Variants in TRPM3 observed in about 807,000 individuals in gnomAD.
TRPM3 encodes transient receptor potential cation channel subfamily M member 3.
A neutral mutation model predicts 181.2 loss-of-function variants in TRPM3; 77 were observed. The ratio of observed to expected loss-of-function variants is 0.42; its 90% CI spans 0.35 to 0.51. The LOEUF is 0.51. Ranked by LOEUF, TRPM3 falls within the 20% of genes least tolerant of loss-of-function variation. TRPM3 has a pLI of 0.01. For synonymous variants in TRPM3, 745 were observed against 796.4 expected, an observed-to-expected ratio of 0.94 and a Z score of 1.09; for missense variants, 1,759 against 2,196.7, an observed-to-expected ratio of 0.80 and a Z score of 3.98.
rs565094328 is a variant in TRPM3 at position 71,316,263 on chromosome 9, C to G, written c.183+130390G>C. The stretch of plus-strand genomic sequence containing the variant: ...TTTTGCTGGTTCTTCTCTTGAAGAC[C>G]ATACCAACAGACACGCTCTAAAACA... On this transcript the variant is annotated intron_variant, in intron 1 of 24. Coordinates refer to the TRPM3 transcript ENST00000357533. Among the ~76,000 whole-genome samples the G allele has an allele frequency of 9.9e-5, 15 of 152,218 alleles. 1 individual carries two copies. In the East Asian group the frequency reaches 2.5e-3, roughly 26 times the overall value.
intron 1 of TRPM3, among the ~76,000 whole-genome samples, chr9:71,070,401 A>G (rs693757): frequency 0.24 from 35,857 of 152,160 alleles, 4,991 homozygotes; most frequent in East Asian, 0.41. Flanking sequence ...AGAGAAACAT[A>G]TCTTTACTTT....
At chr9:70,898,122 T>TA (rs2096309484) in intron 1 of TRPM3, among the ~76,000 whole-genome samples, 1 of 151,668 alleles carries the variant, frequency 6.6e-6, no homozygotes, top group South Asian at 2.1e-4. Flanking sequence ...ATAAATTGTT[T>TA]TTTTTTTTTG....
At chr9:71,179,159 C>G (rs1587807700) in intron 1 of TRPM3, among the ~76,000 whole-genome samples, 1 of 152,208 alleles carries the variant, frequency 6.6e-6, no homozygotes, top group East Asian at 1.9e-4. Flanking sequence ...GAGAAAGAAG[C>G]AACACAACTG....
chr9:71,245,140 C>A (rs944420379), intron 1 of TRPM3, among the ~76,000 whole-genome samples: 1 of 151,970 alleles, frequency 6.6e-6, no homozygotes, highest in Non-Finnish European at 1.5e-5. Context: ...TGTGTCAGAT[C>A]AAGGAGGAGT....
chr9:70,922,437 A>C (rs1210450593), intron 1 of TRPM3, among the ~76,000 whole-genome samples: 1 of 152,162 alleles, frequency 6.6e-6, no homozygotes, highest in Non-Finnish European at 1.5e-5. Flanking sequence ...ACATTATTGA[A>C]TTGCACACTC....
At chr9:71,324,502 T>C (rs1178216767) in intron 1 of TRPM3, among the ~76,000 whole-genome samples, 5 of 151,860 alleles carry the variant, frequency 3.3e-5, no homozygotes, top group Non-Finnish European at 2.9e-5. Context: ...AAGGGAACTC[T>C]TATACACTGT....
intron 1 of TRPM3, among the ~76,000 whole-genome samples, chr9:71,352,085 C>A (rs565597761): frequency 6.6e-6 from 1 of 152,150 alleles, no homozygotes; most frequent in South Asian, 2.1e-4. Context: ...CCGTGTTAGC[C>A]AGGATGGTCT....
chr9:71,400,022 A>G (rs891263375), intron 1 of TRPM3, among the ~76,000 whole-genome samples: 4 of 152,206 alleles, frequency 2.6e-5, no homozygotes, highest in African/African-American at 9.7e-5. Flanking sequence ...CAGGTGAGAA[A>G]TAAGGGAGTT....
At chr9:71,245,067 T>C (rs151222555) in intron 1 of TRPM3, among the ~76,000 whole-genome samples, 163 of 152,172 alleles carry the variant, frequency 1.1e-3, no homozygotes, top group South Asian at 9.1e-3. Context: ...TGGCACAGCA[T>C]TGGCAAGTCC....
chr9:71,182,869 C>T (rs1014095998), intron 1 of TRPM3, among the ~76,000 whole-genome samples: 4 of 151,962 alleles, frequency 2.6e-5, no homozygotes, highest in Non-Finnish European at 5.9e-5. Flanking sequence ...ACCATATTGG[C>T]CAGGATGGTC....
intron 1 of TRPM3, among the ~76,000 whole-genome samples, chr9:71,073,198 G>C (rs551017130): frequency 6.6e-6 from 1 of 152,102 alleles, no homozygotes; most frequent in Non-Finnish European, 1.5e-5. Context: ...CTAAAACTTC[G>C]AACAGAAGAC....
chr9:70,608,200 G>T (rs2061495248), intron 19 of TRPM3, among the ~76,000 whole-genome samples: 2 of 152,192 alleles, frequency 1.3e-5, no homozygotes, highest in Non-Finnish European at 2.9e-5. Flanking sequence ...CAGAGTCTCT[G>T]AGCCTACTCT....
rs772888514 is a variant in TRPM3, at chr9:70,537,309, C to G, written c.3804G>C (p.Leu1268=). The change falls in exon 26 of 26, where the codon CTG becomes CTC. Residue 1268 remains leucine (L), a synonymous_variant. Coordinates refer to ENST00000677713, the MANE Select transcript of TRPM3 (RefSeq NM_001366145.2). ...LQTVDIRLAQ[L]EDLIGRMATA... is the part of the protein sequence containing the mutation. ...TGGCCATGCGCCCGATAAGGTCTTC[C>G]AGCTGCGCCAGCCGGATGTCCACGG... The G allele has an allele frequency of 2.0e-5, 30 of 1,532,104 alleles. No homozygotes were observed. In the South Asian group the frequency reaches 3.3e-4, roughly 17 times the overall value. The allele number at this position is 1,532,104 out of a possible 1,614,324, so 94.9% of individuals were successfully genotyped here. A position where few individuals can be genotyped will look rare whatever the true frequency, so the allele number is the denominator to read the frequency against.
intron 1 of TRPM3, among the ~76,000 whole-genome samples, chr9:71,341,975 AG>A (rs766986128): frequency 7.2e-5 from 11 of 151,800 alleles, no homozygotes; most frequent in Non-Finnish European, 1.3e-4. Flanking sequence ...TGAGGCAGAG[AG>A]GATGAGCAAA....
intron 6 of TRPM3, among the ~76,000 whole-genome samples, chr9:70,784,557 C>T (rs530498986): frequency 3.3e-5 from 5 of 152,102 alleles, no homozygotes; most frequent in African/African-American, 9.6e-5. Context: ...CAGGGGAGGG[C>T]CTGGGGTGAG....
upstream of TRPM3, among the ~76,000 whole-genome samples, chr9:71,122,631 G>T (rs1020017866): frequency 5.9e-5 from 9 of 152,152 alleles, no homozygotes; most frequent in African/African-American, 1.4e-4. Flanking sequence ...AACTGGGAGT[G>T]GTGCAAGCAG....
intron 8 of TRPM3, among the ~76,000 whole-genome samples, chr9:70,696,645 A>G (rs1338378352): frequency 6.6e-6 from 1 of 152,252 alleles, no homozygotes; most frequent in African/African-American, 2.4e-5. Flanking sequence ...AAGGACACGC[A>G]GGGCCAATGC....
chr9:71,076,141 T>C lies in TRPM3; in HGVS notation c.177+45037A>G, dbSNP rs1274270389. 2.0e-5 allele frequency among the ~76,000 whole-genome samples: 3 copies of C among 152,194 alleles called. No individual in the cohort carries two copies. The East Asian group carries it at 5.8e-4, about 29-fold the overall frequency. ...ACATAACTAGTGGTGGGCTGGAGTCTGCTCACACAGGCTCAGGAGAGCTAA... is the reference window on the plus strand; with the variant it reads ...ACATAACTAGTGGTGGGCTGGAGTCCGCTCACACAGGCTCAGGAGAGCTAA... On this transcript the variant is annotated intron_variant, in intron 1 of 25. Coordinates refer to ENST00000677713, the MANE Select transcript of TRPM3 (RefSeq NM_001366145.2).
At chr9:70,810,752 T>C (rs1040275171) in intron 6 of TRPM3, among the ~76,000 whole-genome samples, 1 of 152,178 alleles carries the variant, frequency 6.6e-6, no homozygotes, top group Non-Finnish European at 1.5e-5. Context: ...TCAGCCTAGG[T>C]TTGCACCCAG....
Sources: allele counts gnomAD v4.1 joint callset (sites outside exome capture counted in the v4.1 genomes callset), GRCh38; gene constraint gnomAD v4.1.1; transcripts MANE v1.5; gene names NCBI Gene and HGNC (gene_info 2026-07-23, HGNC 2026-07-21).